KAT7: variants seen among roughly 807,000 people sequenced by gnomAD.
KAT7 encodes the protein lysine acetyltransferase 7.
KAT7 carries 10 observed loss-of-function variants against 82.1 expected under a neutral mutation model. The observed-to-expected ratio is 0.12, with a 90% confidence interval of 0.08 to 0.21. The LOEUF is 0.21. KAT7 is among the 10% of genes least tolerant of loss of function. KAT7 has a pLI of 1.00. For synonymous variants in KAT7, 250 were observed against 262.5 expected, an observed-to-expected ratio of 0.95 and a Z score of 0.46; for missense variants, 378 against 760.9, an observed-to-expected ratio of 0.50 and a Z score of 5.92.
At position 49,827,409 on chromosome 17, in the gene KAT7, T is replaced by G; in HGVS notation, c.1743T>G (p.Ile581Met). 1 of 1,607,516 alleles carries G rather than the reference T, an allele frequency of 6.2e-7. No individual in the cohort carries two copies. Among genetic ancestry groups the G allele is most frequent in the Non-Finnish European group, 8.5e-7 (1 of 1,173,972 alleles). The change falls in exon 15 of 15, where the codon ATT becomes ATG. Residue 581 changes from isoleucine (I) to methionine (M), a missense_variant. By Grantham distance (10) the Ile-to-Met change is conservative. This residue lies in a region of KAT7 where 44 missense variants were observed against 102.2 expected (regional missense o/e 0.43). Transcript: ENST00000259021. ...CCATTGTTCTCCCTCAGGACCTGAT[T>G]GATGAGTGGATAGCCAAAGAGGCCA... ...KHLVLKRQDL[I>M]DEWIAKEAKR... is the part of the protein sequence containing the mutation.
intron 4 of KAT7, among the ~76,000 whole-genome samples, chr17:49,800,545 G>A (rs949110684): frequency 3.9e-5 from 6 of 152,130 alleles, no homozygotes; most frequent in South Asian, 2.1e-4. Flanking sequence ...CATGCATCAA[G>A]AAAAGGAATT....
Position 49,798,569 on chromosome 17 carries a change from C to T in KAT7, c.580+11C>T, listed in dbSNP as rs750045325. 1.3e-6 allele frequency: 2 copies of T among 1,586,934 alleles called. No individual in the cohort carries two copies. The highest frequency in any genetic ancestry group is 8.6e-7 in the Non-Finnish European group (1 of 1,161,624). On this transcript the variant is annotated intron_variant, in intron 4 of 14. Coordinates refer to ENST00000259021, the MANE Select transcript of KAT7 (RefSeq NM_007067.5). The stretch of plus-strand genomic sequence containing the variant: ...GCTGTAACTCTCTAGGTCAGTGTGC[C>T]CTAGCTTCATGACATCCTTTGTTCT...
chr17:49,795,793 A>C (rs1488960839), intron 2 of KAT7: 1 of 222,052 alleles, frequency 4.5e-6, no homozygotes, highest in Non-Finnish European at 9.7e-6. Flanking sequence ...GTTTTCACAT[A>C]AGATGTAGGG....
At chr17:49,819,288 A>T (rs1598083901) in intron 9 of KAT7, among the ~76,000 whole-genome samples, 3 of 152,210 alleles carry the variant, frequency 2.0e-5, no homozygotes, top group South Asian at 4.2e-4. Context: ...GGTTCTCCAG[A>T]CCCTGGCACA....
intron 1 of KAT7, among the ~76,000 whole-genome samples, chr17:49,791,665 C>T (rs141915432): frequency 4.7e-4 from 72 of 152,176 alleles, no homozygotes; most frequent in Admixed American, 3.3e-4. Flanking sequence ...GGAAGCTCTT[C>T]ATTTATTTAA....
intron 5 of KAT7, 146 bp downstream of exon 5, chr17:49,805,591 T>G: frequency 2.0e-6 from 1 of 494,168 alleles, no homozygotes; most frequent in Middle Eastern, 2.8e-4. Context: ...TAAAAAACAA[T>G]GTGCTTTTTT....
Position 49,798,536 on chromosome 17 carries a change from T to A in KAT7, c.558T>A (p.Pro186=). 1 of 1,612,006 alleles carries A rather than the reference T, an allele frequency of 6.2e-7. No homozygotes were observed. Among genetic ancestry groups the A allele is most frequent in the Non-Finnish European group, 8.5e-7 (1 of 1,178,212 alleles). ...GCTACAACTTCAATATGAAGTGTCC[T>A]ACACCAGGCTGTAACTCTCTAGGTC... is the stretch of plus-strand genomic sequence containing the variant. The part of the protein sequence containing the change: ...HESYNFNMKC[P]TPGCNSLGHL... The change falls in exon 4 of 15, where the codon CCT becomes CCA. Residue 186 remains proline (P), a synonymous_variant. Coordinates refer to ENST00000259021, the MANE Select transcript of KAT7 (RefSeq NM_007067.5).
At chr17:49,825,935 C>A in intron 12 of KAT7, 65 bp from the exon 13 acceptor site, 1 of 1,516,228 alleles carries the variant, frequency 6.6e-7, no homozygotes, top group South Asian at 1.2e-5. Flanking sequence ...TGTTGGCACA[C>A]AGTTTTTTGC....
At position 49,829,864 on chromosome 17, in the gene KAT7, G is replaced by A. The variant is rs1368435353; in HGVS notation, c.*2362G>A. On this transcript the variant is annotated 3_prime_UTR_variant, in exon 15 of 15. Transcript: ENST00000259021. ...TTCACTTGCCTTGGCAACTTTGCAT[G>A]AGACTATCCCATTTCATTCCGTTTT... is the stretch of plus-strand genomic sequence containing the variant. 1 of 151,540 alleles carries A rather than the reference G, an allele frequency of 6.6e-6. No homozygotes were observed. Among genetic ancestry groups the A allele is most frequent in the South Asian group, 2.1e-4 (1 of 4,808 alleles). The allele number at this position is 151,540 out of a possible 1,614,324, so 9.4% of individuals were successfully genotyped here.
chr17:49,797,066 CT>C (rs374837770), intron 3 of KAT7, 140 bp downstream of exon 3: 99,034 of 498,434 alleles, frequency 0.2, no homozygotes, highest in South Asian at 0.25. Flanking sequence ...TTTCTTATGT[CT>C]TTTTTTTTTT....
intron 4 of KAT7, among the ~76,000 whole-genome samples, chr17:49,803,942 G>T (rs2074058192): frequency 6.7e-6 from 1 of 149,328 alleles, no homozygotes; most frequent in African/African-American, 2.5e-5. Context: ...TTGCTATTCA[G>T]GTTAGCTAAC....
chr17:49,788,911 C>T (rs2073844012), intron 1 of KAT7, 62 bp downstream of exon 1: 3 of 1,454,372 alleles, frequency 2.1e-6, no homozygotes, highest in East Asian at 5.2e-5. Flanking sequence ...CACCGTGACG[C>T]AGTTGGCCAC....
intron 11 of KAT7, 114 bp from the exon 12 acceptor site, chr17:49,823,088 T>G: frequency 1.5e-6 from 1 of 663,664 alleles, no homozygotes; most frequent in South Asian, 1.7e-5. Context: ...AGCCACTCCT[T>G]GGGACTGGTT....
At chr17:49,821,874 G>A (rs1355873995) in intron 11 of KAT7, 84 bp downstream of exon 11, 10 of 1,276,416 alleles carry the variant, frequency 7.8e-6, no homozygotes, top group Middle Eastern at 1.8e-4. Flanking sequence ...TCACTGACAG[G>A]AAGAAGCTGT....
At chr17:49,788,972 C>G in intron 1 of KAT7, 123 bp downstream of exon 1, 1 of 907,128 alleles carries the variant, frequency 1.1e-6, no homozygotes, top group Non-Finnish European at 1.6e-6. Context: ...CCTTGTTCAG[C>G]TACCCTCTCT....
chr17:49,809,252 C>A, intron 6 of KAT7, 44 bp downstream of exon 6: 1 of 1,436,158 alleles, frequency 7.0e-7, no homozygotes, highest in Non-Finnish European at 9.8e-7. Flanking sequence ...GTTTGAGGTC[C>A]GTTTCTTGGA....
intron 10 of KAT7, 40 bp downstream of exon 10, chr17:49,821,466 A>G (rs1412213483): frequency 2.5e-6 from 4 of 1,572,782 alleles, no homozygotes; most frequent in Non-Finnish European, 3.5e-6. Context: ...GAAATGTTGT[A>G]TATTCACAGG....
intron 4 of KAT7, 110 bp from the exon 5 acceptor site, chr17:49,805,253 C>A (rs1054574190): frequency 1.4e-6 from 1 of 708,938 alleles, no homozygotes; most frequent in Non-Finnish European, 2.5e-6. Flanking sequence ...TCTGATCAGA[C>A]ATATATTTGA....
intron 2 of KAT7, among the ~76,000 whole-genome samples, chr17:49,794,720 C>T (rs544567402): frequency 6.6e-6 from 1 of 152,340 alleles, no homozygotes; most frequent in Non-Finnish European, 1.5e-5. Context: ...TGACCATGCC[C>T]TAGACACCTG....
Sources: gnomAD v4.1 joint callset for allele counts (sites outside exome capture counted in the v4.1 genomes callset) on GRCh38, gnomAD v4.1.1 for gene constraint, gnomAD v4.1.1 regional missense constraint, MANE v1.5 for transcripts, NCBI Gene and HGNC (gene_info 2026-07-23, HGNC 2026-07-21) for gene names.